MICAL3: variants seen among roughly 807,000 people sequenced by gnomAD.
MICAL3 encodes the protein [F-actin]-monooxygenase MICAL3.
Under a neutral mutation model 207.4 loss-of-function variants are expected in MICAL3, and 62 were observed. The ratio of observed to expected loss-of-function variants is 0.30; its 90% CI spans 0.24 to 0.37. The LOEUF is 0.37. Ranked by LOEUF, MICAL3 falls within the 10% of genes least tolerant of loss-of-function variation. The probability of loss-of-function intolerance (pLI) is 1.00; values close to 1 mark genes in which losing one functional copy is unlikely to be tolerated. For synonymous variants in MICAL3, 1,077 were observed against 1,069.3 expected (o/e 1.01, Z -0.14); for missense variants, 2,368 against 2,635.6 (o/e 0.90, Z 2.22).
chr22:17,866,158 G>A, intron 17 of MICAL3, 146 bp from the exon 18 acceptor site: 3 of 665,724 alleles, frequency 4.5e-6, no homozygotes, highest in South Asian at 1.7e-5. Context: ...CAGCTTTCTT[G>A]TCCAGAGAAG....
At chr22:17,854,913 C>A (rs749666381) in intron 19 of MICAL3, among the ~76,000 whole-genome samples, 7 of 152,198 alleles carry the variant, frequency 4.6e-5, no homozygotes, top group Non-Finnish European at 1.0e-4. Context: ...TCTCACTAAA[C>A]CCAGGAAGAA....
At chr22:17,944,730 G>T (rs949681088) in intron 1 of MICAL3, among the ~76,000 whole-genome samples, 1 of 152,108 alleles carries the variant, frequency 6.6e-6, no homozygotes, top group East Asian at 1.9e-4. Context: ...GGGAGAAACC[G>T]CATTTTTAAC....
At chr22:17,933,721 G>C (rs4819476) in intron 1 of MICAL3, among the ~76,000 whole-genome samples, 84,433 of 151,846 alleles carry the variant, frequency 0.56, 23,890 homozygotes, top group Middle Eastern at 0.71. Context: ...AATTGATAGA[G>C]CACTAGCAAG....
intron 1 of MICAL3, among the ~76,000 whole-genome samples, chr22:17,933,062 C>T (rs571976654): frequency 2.6e-5 from 4 of 152,218 alleles, no homozygotes; most frequent in Non-Finnish European, 4.4e-5. Flanking sequence ...GACAGATCAA[C>T]GAGACAGAAG....
chr22:17,894,167 T>C (rs1019563790), intron 10 of MICAL3, among the ~76,000 whole-genome samples: 55 of 152,056 alleles, frequency 3.6e-4, no homozygotes, highest in African/African-American at 1.3e-3. Context: ...ATCCCTATAG[T>C]TGGGGAGGCC....
chr22:17,990,981 C>T (rs1487841306), intron 1 of MICAL3, among the ~76,000 whole-genome samples: 1 of 152,164 alleles, frequency 6.6e-6, no homozygotes, highest in Non-Finnish European at 1.5e-5. Flanking sequence ...TAAAAGCTTA[C>T]AAAAATGGCC....
At chr22:17,834,602 T>C (rs1923164522) in intron 20 of MICAL3, 1 of 1,118,342 alleles carries the variant, frequency 8.9e-7, no homozygotes, top group Admixed American at 4.7e-5. Flanking sequence ...CTCCTTATTC[T>C]CAAGGGGAGG....
chr22:17,993,170 A>G (rs1203215518), intron 1 of MICAL3, among the ~76,000 whole-genome samples: 1 of 151,988 alleles, frequency 6.6e-6, no homozygotes, highest in African/African-American at 2.4e-5. Context: ...GACTCTGACT[A>G]CTCATGGCCA....
chr22:17,873,128 T>C (rs775487357), intron 16 of MICAL3, among the ~76,000 whole-genome samples: 5 of 152,196 alleles, frequency 3.3e-5, no homozygotes, highest in Admixed American at 6.5e-5. Context: ...CTCCCATCTC[T>C]GTGGAATGCA....
chr22:17,974,793 C>T (rs765045639), intron 1 of MICAL3, among the ~76,000 whole-genome samples: 7 of 151,122 alleles, frequency 4.6e-5, no homozygotes, highest in South Asian at 2.1e-4. Flanking sequence ...AGTGGTAGCA[C>T]GTAATATGTG....
chr22:17,810,819 G>A lies in MICAL3; in HGVS notation c.5446-6C>T. ...TCCTCCGTGTAGGTTCTTGGCTGGA[G>A]AGAACAAGAGAAACTTCCTCAGTCA... On this transcript the variant is annotated splice_polypyrimidine_tract_variant and splice_region_variant and intron_variant, in intron 27 of 31. Coordinates refer to ENST00000441493, the MANE Select transcript of MICAL3 (RefSeq NM_015241.3). 1 of 1,611,822 alleles carries A rather than the reference G, an allele frequency of 6.2e-7. No individual in the cohort carries two copies. The highest frequency in any genetic ancestry group is 8.5e-7 in the Non-Finnish European group (1 of 1,177,964).
intron 1 of MICAL3, among the ~76,000 whole-genome samples, chr22:17,913,151 C>CCCA (rs1015968076): frequency 2.0e-5 from 3 of 152,142 alleles, no homozygotes; most frequent in Non-Finnish European, 4.4e-5. Context: ...CTCCTCCCCC[C>CCCA]ACCACTGTGC....
chr22:18,021,189 G>A (rs1346385133), intron 1 of MICAL3, among the ~76,000 whole-genome samples: 1 of 152,232 alleles, frequency 6.6e-6, no homozygotes, highest in Non-Finnish European at 1.5e-5. Context: ...TCAGAGAATA[G>A]ATATTGGTGG....
chr22:17,962,295 G>A (rs558752890), intron 1 of MICAL3, among the ~76,000 whole-genome samples: 1 of 152,336 alleles, frequency 6.6e-6, no homozygotes, highest in East Asian at 1.9e-4. Context: ...GTACAGAGCT[G>A]GGATCTGGGA....
chr22:17,930,817 G>A (rs891586207), intron 1 of MICAL3, among the ~76,000 whole-genome samples: 13 of 152,256 alleles, frequency 8.5e-5, no homozygotes, highest in African/African-American at 2.9e-4. Context: ...GTGAAGGGCA[G>A]AGACACGGGC....
At position 17,818,524 on chromosome 22, in the gene MICAL3, A is replaced by G; in HGVS notation, c.4137T>C (p.Leu1379=). ...EKSPQDEGLH[L]LKPLSIPKRL... is the part of the protein sequence containing the mutation. The stretch of plus-strand genomic sequence containing the variant: ...TTTTGGGGATGGACAGAGGCTTGAG[A>G]AGGTGGAGTCCCTCATCCTGGGGGG... Residue 1379 remains leucine, a synonymous_variant, in exon 26 of 32, where the codon CTT becomes CTC. Transcript: ENST00000441493. 1 of 1,613,272 alleles carries G rather than the reference A, an allele frequency of 6.2e-7. No homozygotes were observed.
chr22:18,014,664 C>T (rs1923941639), intron 1 of MICAL3, among the ~76,000 whole-genome samples: 1 of 152,132 alleles, frequency 6.6e-6, no homozygotes, highest in Non-Finnish European at 1.5e-5. Flanking sequence ...GTTCCCTATG[C>T]TGGAAAAATT....
At chr22:17,955,737 C>T (rs779288915) in intron 1 of MICAL3, among the ~76,000 whole-genome samples, 5 of 152,222 alleles carry the variant, frequency 3.3e-5, no homozygotes, top group Non-Finnish European at 5.9e-5. Flanking sequence ...TTGCTATGCA[C>T]CTCAATATGT....
At position 17,819,246 on chromosome 22, in the gene MICAL3, C is replaced by T. The variant is rs191766879; in HGVS notation, c.3532-117G>A. On this transcript the variant is annotated intron_variant, in intron 25 of 31. Transcript: ENST00000441493. ...ACCTGTGCCTGCTGCAGGACTTCCC[C>T]GTCCTTCCAGCTGTTATTAGAACAG... The T allele has an allele frequency of 1.8e-4, 194 of 1,067,504 alleles. 1 individual carries two copies. In the African/African-American group the frequency reaches 2.6e-3, roughly 14 times the overall value. 66.1% of individuals were successfully genotyped at this position (1,067,504 alleles called of 1,614,324 possible).
Sources: allele counts gnomAD v4.1 joint callset (sites outside exome capture counted in the v4.1 genomes callset), GRCh38; gene constraint gnomAD v4.1.1; transcripts MANE v1.5; gene names NCBI Gene and HGNC (gene_info 2026-07-23, HGNC 2026-07-21).